Variants in CNTNAP2 observed in about 807,000 individuals in gnomAD.
The protein encoded by CNTNAP2 is contactin-associated protein-like 2.
CNTNAP2 carries 98 observed loss-of-function variants against 155.2 expected under a neutral mutation model. The ratio of observed to expected loss-of-function variants is 0.63; its 90% confidence interval spans 0.54 to 0.75. The LOEUF (loss-of-function observed/expected upper bound fraction) is 0.75. Among genes scored for constraint, CNTNAP2 ranks in the 30% least tolerant of loss-of-function variants. CNTNAP2 has a pLI of 0.00. For synonymous variants in CNTNAP2, 651 were observed against 631.2 expected (o/e 1.03, Z -0.47); for missense variants, 1,727 against 1,688.1 (o/e 1.02, Z -0.40).
At chr7:148,071,267 A>G (rs547568555) in intron 15 of CNTNAP2, among the ~76,000 whole-genome samples, 271 of 152,290 alleles carry the variant, frequency 1.8e-3, no homozygotes, top group African/African-American at 6.2e-3. Flanking sequence ...GCCTGAGGTC[A>G]GGAGTTCGAG....
intron 20 of CNTNAP2, among the ~76,000 whole-genome samples, chr7:148,259,201 A>AAG (rs1796511428): frequency 6.8e-6 from 1 of 146,440 alleles, no homozygotes; most frequent in Non-Finnish European, 1.5e-5. Flanking sequence ...AAAAAAAAAA[A>AAG]AAAAAAAAGC....
chr7:146,972,208 A>T (rs1320221086), intron 3 of CNTNAP2, among the ~76,000 whole-genome samples: 1 of 152,210 alleles, frequency 6.6e-6, no homozygotes, highest in East Asian at 1.9e-4. Context: ...GTCAACAAAT[A>T]TGATTTTATC....
chr7:147,447,146 C>T (rs551174882), intron 10 of CNTNAP2, among the ~76,000 whole-genome samples: 282 of 152,128 alleles, frequency 1.9e-3, no homozygotes, highest in South Asian at 6.9e-3. Context: ...ATAAGGGGCG[C>T]TTATTTCAAC....
At chr7:147,268,471 T>C (rs1451322880) in intron 8 of CNTNAP2, among the ~76,000 whole-genome samples, 1 of 151,912 alleles carries the variant, frequency 6.6e-6, no homozygotes, top group Non-Finnish European at 1.5e-5. Flanking sequence ...TGAGAACACA[T>C]GGACACAGGG....
intron 16 of CNTNAP2, among the ~76,000 whole-genome samples, chr7:148,118,890 G>A (rs181264775): frequency 6.6e-6 from 1 of 152,304 alleles, no homozygotes; most frequent in Non-Finnish European, 1.5e-5. Context: ...ATGCTGCTTA[G>A]CTCAGCTCAG....
chr7:146,880,607 A>C (rs964456494), intron 3 of CNTNAP2, among the ~76,000 whole-genome samples: 7 of 152,140 alleles, frequency 4.6e-5, no homozygotes, highest in Admixed American at 3.3e-4. Context: ...TTATTACTTC[A>C]TTATGTTTTC....
chr7:148,193,335 C>T (rs986224193), intron 18 of CNTNAP2, among the ~76,000 whole-genome samples: 3 of 152,288 alleles, frequency 2.0e-5, no homozygotes, highest in East Asian at 3.9e-4. Context: ...ACACAACCCA[C>T]GTTTTGAGGG....
intron 8 of CNTNAP2, among the ~76,000 whole-genome samples, chr7:147,219,132 A>G (rs1803338750): frequency 6.6e-6 from 1 of 152,168 alleles, no homozygotes. Context: ...GGCTGAACCC[A>G]TTCTTTTATA....
chr7:146,688,477 G>A (rs539571639), intron 1 of CNTNAP2, among the ~76,000 whole-genome samples: 12 of 152,122 alleles, frequency 7.9e-5, no homozygotes, highest in African/African-American at 2.9e-4. Context: ...ATAGAATTTG[G>A]GTAGGTAGTA....
chr7:147,006,232 G>T (rs1798521129), intron 3 of CNTNAP2, among the ~76,000 whole-genome samples: 1 of 152,040 alleles, frequency 6.6e-6, no homozygotes, highest in Non-Finnish European at 1.5e-5. Flanking sequence ...AGGGGTACTA[G>T]TTGGGAAAGT....
intron 1 of CNTNAP2, among the ~76,000 whole-genome samples, chr7:146,737,325 T>C (rs1801637908): frequency 6.6e-6 from 1 of 152,118 alleles, no homozygotes; most frequent in African/African-American, 2.4e-5. Context: ...AAGGACCTAG[T>C]ATATTATTAA....
intron 12 of CNTNAP2, among the ~76,000 whole-genome samples, chr7:147,618,638 G>GTA (rs897020200): frequency 3.7e-4 from 55 of 148,478 alleles, no homozygotes; most frequent in Admixed American, 1.3e-3. Context: ...GCTATAAAAT[G>GTA]TATATATATA....
At chr7:147,184,711 AAG>A (rs1338716629) in intron 8 of CNTNAP2, among the ~76,000 whole-genome samples, 1 of 152,186 alleles carries the variant, frequency 6.6e-6, no homozygotes, top group Non-Finnish European at 1.5e-5. Flanking sequence ...AAAAGGGAAA[AAG>A]AGAGAAGTTG....
intron 13 of CNTNAP2, among the ~76,000 whole-genome samples, chr7:147,749,461 G>C (rs1283066848): frequency 6.6e-6 from 1 of 152,054 alleles, no homozygotes; most frequent in Non-Finnish European, 1.5e-5. Context: ...AATCCAACTA[G>C]TTAAATTACT....
intron 1 of CNTNAP2, among the ~76,000 whole-genome samples, chr7:146,277,186 G>C (rs775394637): frequency 6.6e-6 from 1 of 152,040 alleles, no homozygotes; most frequent in Non-Finnish European, 1.5e-5. Context: ...AGGAAGGAAG[G>C]ATCCTCCCCT....
In CNTNAP2 at chr7:147,407,666, T is replaced by C. The variant is rs575979909; in HGVS notation, c.1670+11886T>C. Among the ~76,000 whole-genome samples the C allele has an allele frequency of 9.0e-3, 195 of 21,628 alleles. No individual in the cohort carries two copies. The African/African-American group carries it at 0.11, about 12-fold the overall frequency. The allele number at this position is 21,628 out of a possible 152,430, so 14.2% of individuals were successfully genotyped here. A position where few individuals can be genotyped will look rare whatever the true frequency, so the allele number is the denominator to read the frequency against. On this transcript the variant is annotated intron_variant, in intron 10 of 23. Coordinates refer to ENST00000361727, the MANE Select transcript of CNTNAP2 (RefSeq NM_014141.6). ...TCCCAGAACAGGTACTGATGTAGCC[T>C]AGAGACAGTAAACATTCACAAGAAA...
intron 12 of CNTNAP2, among the ~76,000 whole-genome samples, chr7:147,638,432 T>C (rs769709618): frequency 6.6e-6 from 1 of 152,232 alleles, no homozygotes; most frequent in Non-Finnish European, 1.5e-5. Flanking sequence ...TTAGAGATGC[T>C]TCTAACTAAA....
At chr7:148,226,894 C>G (rs1795862402) in intron 19 of CNTNAP2, among the ~76,000 whole-genome samples, 1 of 152,212 alleles carries the variant, frequency 6.6e-6, no homozygotes, top group Admixed American at 6.5e-5. Flanking sequence ...TTTTAATAAA[C>G]TTTCACTCCT....
At chr7:147,485,168 C>T (rs945849520) in intron 10 of CNTNAP2, among the ~76,000 whole-genome samples, 3 of 152,144 alleles carry the variant, frequency 2.0e-5, no homozygotes, top group Admixed American at 6.6e-5. Context: ...CGTTTATTGG[C>T]CCACTATTTC....
Sources: allele counts gnomAD v4.1 joint callset (sites outside exome capture counted in the v4.1 genomes callset), GRCh38; gene constraint gnomAD v4.1.1; transcripts MANE v1.5; gene names NCBI Gene and HGNC (gene_info 2026-07-23, HGNC 2026-07-21).